The following TLK2 variants were observed in gnomAD, a reference collection of about 807,000 sequenced individuals.
The protein encoded by TLK2 is tousled like kinase 2.
In TLK2, 6 loss-of-function variants were observed where a neutral mutation model predicts 117.3. The observed-to-expected ratio is 0.05, with a 90% CI of 0.03 to 0.10. The LOEUF (loss-of-function observed/expected upper bound fraction) is 0.10, where lower values mean the gene tolerates loss of function less well. Ranked by LOEUF, TLK2 falls within the 10% of genes least tolerant of loss-of-function variation. The pLI is 1.00. For missense variants in TLK2, 299 were observed against 901.2 expected, an observed-to-expected ratio of 0.33 and a Z score of 8.56; for synonymous variants, 257 against 316.7, an observed-to-expected ratio of 0.81 and a Z score of 2.00.
chr17:62,542,025 G>T (rs898106902), intron 7 of TLK2, among the ~76,000 whole-genome samples: 3 of 152,198 alleles, frequency 2.0e-5, no homozygotes, highest in African/African-American at 7.2e-5. Flanking sequence ...TAAAGATCCA[G>T]TAAGAAGGGA....
intron 3 of TLK2, among the ~76,000 whole-genome samples, chr17:62,521,580 G>T (rs1567842886): frequency 6.6e-6 from 1 of 152,008 alleles, no homozygotes; most frequent in Non-Finnish European, 1.5e-5. Flanking sequence ...TATTTTTAGA[G>T]GCGGGGCCTT....
At chr17:62,485,913 C>A (rs1033307858) in intron 2 of TLK2, among the ~76,000 whole-genome samples, 3 of 151,662 alleles carry the variant, frequency 2.0e-5, no homozygotes, top group Non-Finnish European at 4.4e-5. Flanking sequence ...CTCCGCCTCC[C>A]AGGTTCACGC....
At chr17:62,503,094 C>G (rs1246501594) in intron 2 of TLK2, among the ~76,000 whole-genome samples, 6 of 126,950 alleles carry the variant, frequency 4.7e-5, no homozygotes, top group Non-Finnish European at 9.4e-5. Flanking sequence ...GAGTCTCGCT[C>G]TCTCGCCCAG....
chr17:62,498,468 C>T (rs1000093135), intron 2 of TLK2, among the ~76,000 whole-genome samples: 17 of 150,974 alleles, frequency 1.1e-4, no homozygotes, highest in East Asian at 5.9e-4. Flanking sequence ...CGGGTCACTG[C>T]GACCTCTGCC....
chr17:62,553,647 A>C lies in TLK2; in HGVS notation c.628-16A>C. On this transcript the variant is annotated splice_polypyrimidine_tract_variant and intron_variant, in intron 8 of 21. Coordinates refer to ENST00000346027, the MANE Select transcript of TLK2 (RefSeq NM_006852.6). Reference sequence around the variant, plus strand: ...TTGAGACTAATCCTAAATTTGTTTTACCTTTGTCTCTGTAGTCCGACCTCA... The same window carrying C: ...TTGAGACTAATCCTAAATTTGTTTTCCCTTTGTCTCTGTAGTCCGACCTCA... The C allele has an allele frequency of 6.4e-7, 1 of 1,574,736 alleles. No homozygotes were observed. The highest frequency in any genetic ancestry group is 8.7e-7 in the Non-Finnish European group (1 of 1,144,704).
intron 2 of TLK2, among the ~76,000 whole-genome samples, chr17:62,496,380 C>T: frequency 6.6e-6 from 1 of 152,130 alleles, no homozygotes; most frequent in African/African-American, 2.4e-5. Flanking sequence ...TAATCTTGTA[C>T]ATAATGTCAT....
intron 16 of TLK2, among the ~76,000 whole-genome samples, chr17:62,591,928 T>A (rs1266656928): frequency 6.6e-6 from 1 of 152,132 alleles, no homozygotes; most frequent in Non-Finnish European, 1.5e-5. Context: ...AGTTACTGTC[T>A]TTGTAAATAA....
intron 16 of TLK2, among the ~76,000 whole-genome samples, chr17:62,593,673 T>C (rs2147049606): frequency 6.6e-6 from 1 of 152,188 alleles, no homozygotes; most frequent in African/African-American, 2.4e-5. Flanking sequence ...ATAACATGCA[T>C]GAAGCTTTCA....
chr17:62,482,283 T>C (rs896871012), intron 2 of TLK2, among the ~76,000 whole-genome samples: 1 of 151,912 alleles, frequency 6.6e-6, no homozygotes, highest in Non-Finnish European at 1.5e-5. Context: ...GATACAACAT[T>C]TGTTTCTGTG....
intron 19 of TLK2, among the ~76,000 whole-genome samples, chr17:62,605,428 A>G (rs2083213666): frequency 6.6e-6 from 1 of 152,000 alleles, no homozygotes; most frequent in African/African-American, 2.4e-5. Context: ...GCTGGAGTGC[A>G]GTGGCATGAT....
rs2071269760 is a variant in TLK2 at position 62,479,023 on chromosome 17, C to G, written c.-273C>G. 6.6e-6 allele frequency: 1 copy of G among 150,602 alleles called. No individual in the cohort carries two copies. The highest frequency in any genetic ancestry group is 1.5e-5 in the Non-Finnish European group (1 of 67,522). The allele number at this position is 150,602 out of a possible 1,614,324, so 9.3% of individuals were successfully genotyped here. The stretch of plus-strand genomic sequence containing the variant: ...CGCCAGGAGGCCGGTCCCGCGCCCC[C>G]CGCGGCCGCCCGGGCCCGGGCCCGC... On this transcript the variant is annotated 5_prime_UTR_variant, in exon 1 of 22. Coordinates refer to ENST00000346027, the MANE Select transcript of TLK2 (RefSeq NM_006852.6).
intron 2 of TLK2, among the ~76,000 whole-genome samples, chr17:62,520,561 C>T: frequency 6.6e-6 from 1 of 151,472 alleles, no homozygotes; most frequent in Middle Eastern, 3.2e-3. Flanking sequence ...CCTGTAATCC[C>T]AGCTACTCGA....
At chr17:62,479,831 A>G (rs1406405928) in intron 1 of TLK2, among the ~76,000 whole-genome samples, 1 of 152,236 alleles carries the variant, frequency 6.6e-6, no homozygotes, top group African/African-American at 2.4e-5. Flanking sequence ...AGGTTTGGGA[A>G]GTGTTGCGAG....
chr17:62,493,804 C>T (rs2073364757), intron 2 of TLK2, among the ~76,000 whole-genome samples: 1 of 152,042 alleles, frequency 6.6e-6, no homozygotes, highest in African/African-American at 2.4e-5. Flanking sequence ...GTCACCCAGG[C>T]TGGAGTGCAA....
intron 2 of TLK2, among the ~76,000 whole-genome samples, chr17:62,514,100 G>A (rs1489402814): frequency 1.3e-5 from 2 of 152,000 alleles, no homozygotes; most frequent in Non-Finnish European, 2.9e-5. Flanking sequence ...AAAGTGCTAC[G>A]TGTTAGTTAT....
upstream of TLK2, chr17:62,478,020 GGGCGGGGGCTC>G (rs1219455843): frequency 6.6e-6 from 1 of 152,174 alleles, no homozygotes; most frequent in African/African-American, 2.4e-5. Flanking sequence ...ATCCCCGCGG[GGGCGGGGGCTC>G]GGCTTTGATC....
At chr17:62,569,830 G>A (rs1187896523) in intron 11 of TLK2, among the ~76,000 whole-genome samples, 3 of 152,160 alleles carry the variant, frequency 2.0e-5, no homozygotes, top group East Asian at 1.9e-4. Context: ...CTGGGATGCT[G>A]TAACAAATAC....
At chr17:62,518,945 C>T (rs1489691587) in intron 2 of TLK2, among the ~76,000 whole-genome samples, 4 of 152,090 alleles carry the variant, frequency 2.6e-5, no homozygotes, top group East Asian at 3.8e-4. Context: ...TGTGCAGTGG[C>T]GCGATCTTGG....
chr17:62,536,399 T>C (rs1416373262), intron 7 of TLK2, 62 bp downstream of exon 7: 2 of 1,485,322 alleles, frequency 1.3e-6, no homozygotes, highest in Non-Finnish European at 1.8e-6. Context: ...CTTGATGAGG[T>C]TGGATTAATT....
Sources: gnomAD v4.1 joint callset for allele counts (sites outside exome capture counted in the v4.1 genomes callset) on GRCh38, gnomAD v4.1.1 for gene constraint, MANE v1.5 for transcripts, NCBI Gene and HGNC (gene_info 2026-07-23, HGNC 2026-07-21) for gene names.